ARSB: variants seen among roughly 807,000 people sequenced by gnomAD.
The protein encoded by ARSB is arylsulfatase B, also known as N-acetylgalactosamine-4-sulfatase.
A neutral mutation model predicts 50.9 loss-of-function variants in ARSB; 41 were observed. The observed-to-expected ratio is 0.81, with a 90% CI of 0.63 to 1.04. The LOEUF (loss-of-function observed/expected upper bound fraction) is 1.04. Among genes scored for constraint, ARSB ranks in the 50% least tolerant of loss-of-function variants. ARSB has a pLI of 0.00. For missense variants in ARSB, 672 were observed against 693.3 expected, an observed-to-expected ratio of 0.97 and a Z score of 0.35; for synonymous variants, 269 against 284.8, an observed-to-expected ratio of 0.94 and a Z score of 0.56.
intron 4 of ARSB, among the ~76,000 whole-genome samples, chr5:78,906,593 A>G (rs73769411): frequency 0.077 from 11,664 of 152,034 alleles, 1,067 homozygotes; most frequent in African/African-American, 0.22. Context: ...CATTCACCTG[A>G]TTTTGTTTTC....
chr5:78,922,205 G>T (rs926825866), intron 4 of ARSB, among the ~76,000 whole-genome samples: 5 of 151,604 alleles, frequency 3.3e-5, no homozygotes, highest in African/African-American at 4.9e-5. Context: ...GATTTGGTGG[G>T]GGGGGAGGAG....
At chr5:78,898,428 C>T (rs984242612) in intron 4 of ARSB, among the ~76,000 whole-genome samples, 3 of 152,020 alleles carry the variant, frequency 2.0e-5, no homozygotes, top group African/African-American at 7.3e-5. Context: ...TTCTATGAGG[C>T]CAGCATTACT....
chr5:78,897,274 G>T lies in ARSB; in HGVS notation c.899-11447C>A, dbSNP rs751150838. The stretch of plus-strand genomic sequence containing the variant: ...ACTTGGGACAATTCCTCACTGTGTG[G>T]GGTTATTACGGGCATTGCATCCTGA... On this transcript the variant is annotated intron_variant, in intron 4 of 7. Transcript: ENST00000264914. Among the ~76,000 whole-genome samples the T allele has an allele frequency of 2.6e-5, 4 of 152,218 alleles. No individual in the cohort carries two copies. In the South Asian group the frequency reaches 8.3e-4, roughly 32 times the overall value.
At chr5:78,885,390 G>T in intron 5 of ARSB, 194 bp downstream of exon 5, 1 of 792,618 alleles carries the variant, frequency 1.3e-6, no homozygotes, top group East Asian at 2.8e-5. Flanking sequence ...GTAAAACACA[G>T]GCCCACAATC....
chr5:78,906,542 C>A (rs578153251), intron 4 of ARSB, among the ~76,000 whole-genome samples: 2 of 152,298 alleles, frequency 1.3e-5, no homozygotes, highest in South Asian at 4.2e-4. Flanking sequence ...AAACTCACCA[C>A]ACAAGGGATT....
chr5:78,900,367 G>A (rs550298040), intron 4 of ARSB, among the ~76,000 whole-genome samples: 1 of 152,180 alleles, frequency 6.6e-6, no homozygotes, highest in African/African-American at 2.4e-5. Flanking sequence ...TGCTTCCCAT[G>A]AGTTAAGGCA....
At chr5:78,816,949 ACCCAGTTGAGCCTG>A (rs1744013570) in intron 6 of ARSB, 4 of 352,756 alleles carry the variant, frequency 1.1e-5, no homozygotes, top group Non-Finnish European at 1.6e-5. Context: ...TAAGCAGAGA[ACCCAGTTGAGCCTG>A]CCCAGCCTTC....
chr5:78,920,004 C>T (rs1030064166), intron 4 of ARSB, among the ~76,000 whole-genome samples: 6 of 151,972 alleles, frequency 3.9e-5, no homozygotes, highest in Non-Finnish European at 8.8e-5. Flanking sequence ...TCCTGTTTGG[C>T]AAGCCAGTGT....
At chr5:78,950,223 C>G (rs963105824) in intron 4 of ARSB, among the ~76,000 whole-genome samples, 1 of 152,152 alleles carries the variant, frequency 6.6e-6, no homozygotes, top group African/African-American at 2.4e-5. Context: ...AAACACAGAA[C>G]AAGATGAAAC....
At chr5:78,813,641 C>A (rs1488742555) in intron 6 of ARSB, among the ~76,000 whole-genome samples, 2 of 152,102 alleles carry the variant, frequency 1.3e-5, no homozygotes, top group South Asian at 2.1e-4. Flanking sequence ...CCTGTGGTCC[C>A]AGCTATTCAG....
chr5:78,984,619 G>A (rs935062853), intron 1 of ARSB, among the ~76,000 whole-genome samples: 7 of 152,112 alleles, frequency 4.6e-5, no homozygotes, highest in African/African-American at 1.4e-4. Context: ...TCCGCCTGCC[G>A]GCCGCGGCGC....
rs1040838578 is a variant in ARSB at position 78,941,925 on chromosome 5, T to G, written c.898+13370A>C. On this transcript the variant is annotated intron_variant, in intron 4 of 7. Transcript: ENST00000264914. ...TCCATCTGGTCCTGGACTCTTTTTG[T>G]TTGGTAAGCTATTGATTATTGTCAC... Among the ~76,000 whole-genome samples the G allele has an allele frequency of 1.4e-4, 22 of 152,222 alleles. No homozygotes were observed. The East Asian group carries it at 3.3e-3, about 23-fold the overall frequency.
intron 5 of ARSB, among the ~76,000 whole-genome samples, chr5:78,839,924 A>ATAC (rs1294124116): frequency 1.3e-5 from 2 of 152,250 alleles, no homozygotes; most frequent in African/African-American, 4.8e-5. Context: ...TTTAATATAA[A>ATAC]TACATGAGAA....
At chr5:78,807,445 A>G (rs1743606444) in intron 6 of ARSB, among the ~76,000 whole-genome samples, 1 of 152,206 alleles carries the variant, frequency 6.6e-6, no homozygotes, top group Admixed American at 6.5e-5. Flanking sequence ...ACCTCAGGAA[A>G]GCATACTCCT....
intron 4 of ARSB, among the ~76,000 whole-genome samples, chr5:78,887,955 G>A (rs1203670153): frequency 6.6e-6 from 1 of 152,200 alleles, no homozygotes; most frequent in African/African-American, 2.4e-5. Flanking sequence ...AGAAGGCTTA[G>A]CTGCTGTTGG....
intron 1 of ARSB, among the ~76,000 whole-genome samples, chr5:78,978,804 T>C (rs1752777748): frequency 6.6e-6 from 1 of 152,202 alleles, no homozygotes; most frequent in African/African-American, 2.4e-5. Flanking sequence ...TGCATCCACA[T>C]ACCTCAAATT....
intron 5 of ARSB, among the ~76,000 whole-genome samples, chr5:78,859,302 G>A (rs1404421135): frequency 6.6e-6 from 1 of 152,158 alleles, no homozygotes; most frequent in African/African-American, 2.4e-5. Flanking sequence ...CATATAGATT[G>A]TTATTAAGAA....
chr5:78,883,991 A>T (rs1236340386), intron 5 of ARSB: 2 of 152,216 alleles, frequency 1.3e-5, no homozygotes, highest in Non-Finnish European at 2.9e-5. Flanking sequence ...GTATTTCCAG[A>T]GTGTTGAATA....
intron 6 of ARSB, among the ~76,000 whole-genome samples, chr5:78,798,792 T>C (rs143826702): frequency 3.9e-5 from 6 of 152,290 alleles, no homozygotes; most frequent in Non-Finnish European, 7.4e-5. Context: ...CAGGAGCCCA[T>C]ACTGGGGTAG....
Sources: allele counts gnomAD v4.1 joint callset (sites outside exome capture counted in the v4.1 genomes callset), GRCh38; gene constraint gnomAD v4.1.1; transcripts MANE v1.5; gene names NCBI Gene and HGNC (gene_info 2026-07-23, HGNC 2026-07-21).